The following ZRANB3 variants were observed in gnomAD, a reference collection of about 807,000 sequenced individuals.
ZRANB3 encodes DNA annealing helicase and endonuclease ZRANB3.
Under a neutral mutation model 133.8 loss-of-function variants are expected in ZRANB3, and 125 were observed. That is an observed-to-expected ratio of 0.93 (90% CI 0.81 to 1.08). The LOEUF is 1.08. Among genes scored for constraint, ZRANB3 ranks in the 50% least tolerant of loss-of-function variants. The pLI is 0.00. For synonymous variants in ZRANB3, 387 were observed against 432.7 expected (o/e 0.89, Z 1.31); for missense variants, 1,229 against 1,275.5 (o/e 0.96, Z 0.56).
At chr2:135,402,295 C>CT (rs374450905) in intron 2 of ZRANB3, among the ~76,000 whole-genome samples, 1,501 of 133,808 alleles carry the variant, frequency 0.011, 10 homozygotes, top group Admixed American at 0.017. Context: ...TTCTTTCTCT[C>CT]TTTTTTTTTT....
chr2:135,301,326 T>C (rs1488025365), intron 8 of ZRANB3, among the ~76,000 whole-genome samples: 1 of 151,812 alleles, frequency 6.6e-6, no homozygotes, highest in Non-Finnish European at 1.5e-5. Context: ...GCTGGGATTA[T>C]AGGCACGCAC....
At chr2:135,258,398 G>C (rs1042491325) in intron 12 of ZRANB3, among the ~76,000 whole-genome samples, 1 of 152,198 alleles carries the variant, frequency 6.6e-6, no homozygotes, top group Non-Finnish European at 1.5e-5. Flanking sequence ...GCAGGAAGGA[G>C]GAGCCTGCCC....
chr2:135,311,323 A>G (rs1313891067), intron 8 of ZRANB3, among the ~76,000 whole-genome samples: 1 of 152,172 alleles, frequency 6.6e-6, no homozygotes, highest in Non-Finnish European at 1.5e-5. Flanking sequence ...TAGTGCTCAC[A>G]AAGATATCAA....
Position 135,200,021 on chromosome 2 carries a change from C to A in ZRANB3, c.*321G>T. ...AAGCATTTTTAGGTAATTGAGAGTA[C>A]ATTTTTTAAACACAATCTATGCACA... On this transcript the variant is annotated 3_prime_UTR_variant, in exon 21 of 21. Transcript: ENST00000264159. 2.9e-6 allele frequency: 1 copy of A among 346,252 alleles called. No individual in the cohort carries two copies. The highest frequency in any genetic ancestry group is 7.4e-5 in the East Asian group (1 of 13,492). 21.4% of individuals were successfully genotyped at this position (346,252 alleles called of 1,614,324 possible).
At position 135,524,653 on chromosome 2, in the gene ZRANB3, C is replaced by T. The variant is rs543097672; in HGVS notation, c.-8+6474G>A. On this transcript the variant is annotated intron_variant, in intron 1 of 20. Transcript: ENST00000264159. ...CTGAAAAAGAAGAGCGGGAACACAC[C>T]TTACCTCTAGACACCAAAACATATT... Among the ~76,000 whole-genome samples, 27 of 152,102 alleles carry T rather than the reference C, an allele frequency of 1.8e-4. 1 individual carries two copies. In the South Asian group the frequency reaches 5.6e-3, roughly 32 times the overall value.
At chr2:135,375,454 G>A (rs11897990) in intron 3 of ZRANB3, among the ~76,000 whole-genome samples, 66 of 152,100 alleles carry the variant, frequency 4.3e-4, no homozygotes, top group African/African-American at 1.5e-3. Flanking sequence ...GGGAGGCCAA[G>A]GCGGGCAGAT....
intron 2 of ZRANB3, among the ~76,000 whole-genome samples, chr2:135,406,090 A>T (rs770672761): frequency 1.3e-5 from 2 of 152,214 alleles, no homozygotes; most frequent in Non-Finnish European, 2.9e-5. Flanking sequence ...CTAATAAAGA[A>T]GAAAAGAGAG....
intron 12 of ZRANB3, among the ~76,000 whole-genome samples, chr2:135,250,385 G>A (rs557170020): frequency 1.8e-4 from 28 of 152,264 alleles, no homozygotes; most frequent in African/African-American, 5.8e-4. Context: ...AAAACTTCTC[G>A]GGAGAAATTC....
intron 3 of ZRANB3, among the ~76,000 whole-genome samples, chr2:135,372,793 A>G (rs1306803186): frequency 1.3e-5 from 2 of 151,642 alleles, no homozygotes; most frequent in Non-Finnish European, 2.9e-5. Flanking sequence ...TCTCAAAAAA[A>G]AAAAAAAAAA....
chr2:135,209,845 T>C (rs1389661602), intron 17 of ZRANB3, among the ~76,000 whole-genome samples: 3 of 152,342 alleles, frequency 2.0e-5, no homozygotes, highest in South Asian at 2.1e-4. Context: ...CACAATGGAA[T>C]TGTGCAATCG....
At chr2:135,350,269 G>T in intron 4 of ZRANB3, 54 bp from the exon 5 acceptor site, 1 of 1,331,560 alleles carries the variant, frequency 7.5e-7, no homozygotes, top group Non-Finnish European at 1.0e-6. Context: ...ACGTTATCAT[G>T]AACAATACAA....
At chr2:135,525,335 G>A (rs924209446) in intron 1 of ZRANB3, among the ~76,000 whole-genome samples, 1 of 152,124 alleles carries the variant, frequency 6.6e-6, no homozygotes, top group Non-Finnish European at 1.5e-5. Context: ...TGGGAAATGG[G>A]TGCTCTCAAA....
chr2:135,435,774 G>A (rs1018831760), intron 2 of ZRANB3, among the ~76,000 whole-genome samples: 14 of 152,136 alleles, frequency 9.2e-5, no homozygotes, highest in African/African-American at 3.1e-4. Context: ...CTTGTTGGCC[G>A]TACGTATGTC....
In ZRANB3 at chr2:135,331,380, G is replaced by A. The variant is rs111273768; in HGVS notation, c.677+14170C>T. 3.0e-3 allele frequency among the ~76,000 whole-genome samples: 450 copies of A among 152,286 alleles called. 3 individuals carry two copies. The highest frequency in any genetic ancestry group is 0.01 in the African/African-American group (419 of 41,560). On this transcript the variant is annotated intron_variant, in intron 6 of 20. Coordinates refer to ENST00000264159, the MANE Select transcript of ZRANB3 (RefSeq NM_032143.4). ...CATGTAGTTGTGCAGTTTTGAGTGA[G>A]TTTCTTAATCTTGAGTTCTAATTTG...
At chr2:135,424,867 C>A (rs1016785277) in intron 2 of ZRANB3, among the ~76,000 whole-genome samples, 2 of 152,060 alleles carry the variant, frequency 1.3e-5, no homozygotes, top group Non-Finnish European at 2.9e-5. Flanking sequence ...AATTTCAGAA[C>A]AATGAGGAAA....
At chr2:135,279,038 A>C (rs1680974939) in intron 8 of ZRANB3, among the ~76,000 whole-genome samples, 1 of 152,114 alleles carries the variant, frequency 6.6e-6, no homozygotes, top group South Asian at 2.1e-4. Flanking sequence ...AATACAAACA[A>C]AGCAGCAATA....
rs117473334 is a variant in ZRANB3, at chr2:135,486,541, G to A, written c.161+17788C>T. ...TTTTTTTTTTTTCAATATAAGAGGAGTCTTGCTCTGTTGCATAGGTTGAAG... is the reference window on the plus strand; with the variant it reads ...TTTTTTTTTTTTCAATATAAGAGGAATCTTGCTCTGTTGCATAGGTTGAAG... On this transcript the variant is annotated intron_variant, in intron 2 of 20. Coordinates refer to ENST00000264159, the MANE Select transcript of ZRANB3 (RefSeq NM_032143.4). 6.6e-4 allele frequency among the ~76,000 whole-genome samples: 99 copies of A among 150,336 alleles called. 1 individual carries two copies. The East Asian group carries it at 0.016, about 25-fold the overall frequency.
intron 2 of ZRANB3, among the ~76,000 whole-genome samples, chr2:135,429,617 T>C (rs556727704): frequency 1.3e-5 from 2 of 152,032 alleles, no homozygotes; most frequent in Admixed American, 1.3e-4. Context: ...GTGTGTGATG[T>C]GGGAAGCAGA....
chr2:135,291,559 CTTTTTAT>C (rs1408870013), intron 8 of ZRANB3, among the ~76,000 whole-genome samples: 3 of 151,118 alleles, frequency 2.0e-5, no homozygotes, highest in Non-Finnish European at 4.4e-5. Context: ...TTTAAAAATT[CTTTTTAT>C]TTTTTATTTT....
Sources: gnomAD v4.1 joint callset for allele counts (sites outside exome capture counted in the v4.1 genomes callset) on GRCh38, gnomAD v4.1.1 for gene constraint, MANE v1.5 for transcripts, NCBI Gene and HGNC (gene_info 2026-07-23, HGNC 2026-07-21) for gene names.